The following SIRPG variants were observed in gnomAD, a reference collection of about 807,000 sequenced individuals.
The protein encoded by SIRPG is signal-regulatory protein gamma.
A neutral mutation model predicts 35.7 loss-of-function variants in SIRPG; 38 were observed. The ratio of observed to expected loss-of-function variants is 1.06; its 90% confidence interval spans 0.82 to 1.40. The LOEUF (loss-of-function observed/expected upper bound fraction) is 1.40, where lower values mean the gene tolerates loss of function less well. SIRPG is among the 40% of genes most tolerant of loss of function. SIRPG has a pLI of 0.00. For synonymous variants in SIRPG, 215 were observed against 190.4 expected, an observed-to-expected ratio of 1.13 and a Z score of -1.06; for missense variants, 519 against 483.0, an observed-to-expected ratio of 1.07 and a Z score of -0.70.
At chr20:1,651,629 T>A (rs185108030) in intron 1 of SIRPG, among the ~76,000 whole-genome samples, 145 of 152,216 alleles carry the variant, frequency 9.5e-4, no homozygotes, top group African/African-American at 3.2e-3. Flanking sequence ...GAGGAGGGGA[T>A]TATTCTAAAC....
the SIRPG span, among the ~76,000 whole-genome samples, chr20:1,665,909 A>AT: frequency 2.4e-4 from 37 of 152,034 alleles, 1 homozygote; most frequent in East Asian, 3.9e-3. Context: ...GGATATATAT[A>AT]AAAAAAAGAG....
At chr20:1,662,697 A>G (rs561679108), upstream of SIRPG, among the ~76,000 whole-genome samples, 1 of 152,320 alleles carries the variant, frequency 6.6e-6, no homozygotes, top group South Asian at 2.1e-4. Flanking sequence ...TATTTTTCCC[A>G]TTGAATGTAG....
upstream of SIRPG, among the ~76,000 whole-genome samples, chr20:1,661,313 A>T (rs1344147532): frequency 6.6e-6 from 1 of 152,204 alleles, no homozygotes; most frequent in East Asian, 1.9e-4. Flanking sequence ...TGCTATAGGC[A>T]TGACGTCTGG....
chr20:1,636,228 G>T lies in SIRPG; in HGVS notation c.708C>A (p.Asp236Glu). 6.2e-7 allele frequency: 1 copy of T among 1,614,208 alleles called. No homozygotes were observed. Among genetic ancestry groups the T allele is most frequent in the Non-Finnish European group, 8.5e-7 (1 of 1,180,030 alleles). The change falls in exon 3 of 6, where the codon GAC (aspartate) becomes GAA (glutamate). Residue 236 changes from aspartate to glutamate, a missense_variant. By Grantham distance (45) the Asp-to-Glu change is conservative (BLOSUM62 2). Transcript: ENST00000303415. ...CEVAHVTLQG[D>E]PLRGTANLSE... ...ACAAGTTGGCAGTCCCACGAAGAGG[G>T]TCCCCCTGCAAGGTGACATGGGCCA...
chr20:1,672,117 C>T, the SIRPG span, among the ~76,000 whole-genome samples: 5,115 of 152,246 alleles, frequency 0.034, 126 homozygotes, highest in Middle Eastern at 0.058. Context: ...GCCCAGGAGA[C>T]GGGTGGCCTG....
chr20:1,664,313 T>C, the SIRPG span, among the ~76,000 whole-genome samples: 1 of 152,172 alleles, frequency 6.6e-6, no homozygotes, highest in African/African-American at 2.4e-5. Flanking sequence ...GAAAGAGAAC[T>C]GTTTTTTTCC....
At chr20:1,673,320 C>T in the SIRPG span, among the ~76,000 whole-genome samples, 369 of 152,246 alleles carry the variant, frequency 2.4e-3, 3 homozygotes, top group African/African-American at 8.5e-3. Flanking sequence ...CCCCCTCCAT[C>T]CCTGTGAGGG....
At chr20:1,652,046 C>T (rs2091943219) in intron 1 of SIRPG, among the ~76,000 whole-genome samples, 1 of 152,176 alleles carries the variant, frequency 6.6e-6, no homozygotes, top group African/African-American at 2.4e-5. Context: ...AACAAAAATA[C>T]CTCTTCTCTC....
chr20:1,631,991 C>T (rs1356685155), intron 4 of SIRPG, among the ~76,000 whole-genome samples: 1 of 152,058 alleles, frequency 6.6e-6, no homozygotes, highest in Non-Finnish European at 1.5e-5. Flanking sequence ...GGCTAGAGGG[C>T]AGAAAGAATA....
chr20:1,676,483 G>A, the SIRPG span, among the ~76,000 whole-genome samples: 65 of 152,192 alleles, frequency 4.3e-4, no homozygotes, highest in South Asian at 2.1e-4. Context: ...ATGTCCTGAC[G>A]TGGAATCTCA....
At chr20:1,650,057 TA>T (rs1281227871) in intron 1 of SIRPG, among the ~76,000 whole-genome samples, 2 of 143,270 alleles carry the variant, frequency 1.4e-5, no homozygotes, top group African/African-American at 5.1e-5. Flanking sequence ...TATTTTTATA[TA>T]TTTTATATAT....
chr20:1,640,270 T>C (rs2091841849), intron 2 of SIRPG, among the ~76,000 whole-genome samples: 1 of 152,196 alleles, frequency 6.6e-6, no homozygotes. Context: ...TTTTGTGTCC[T>C]CTCTTATTTC....
upstream of SIRPG, among the ~76,000 whole-genome samples, chr20:1,660,215 T>TG (rs1179008135): frequency 6.6e-6 from 1 of 151,978 alleles, no homozygotes; most frequent in Non-Finnish European, 1.5e-5. Context: ...ACATAATCAG[T>TG]GCTGAAATTT....
chr20:1,678,877 A>ATTATCAGCTGAGTTC, the SIRPG span, among the ~76,000 whole-genome samples: 1 of 152,222 alleles, frequency 6.6e-6, no homozygotes, highest in South Asian at 2.1e-4. Flanking sequence ...TCCTTGTAAG[A>ATTATCAGCTGAGTTC]TTATCAGCTG....
the SIRPG span, among the ~76,000 whole-genome samples, chr20:1,674,375 C>T: frequency 6.6e-6 from 1 of 152,150 alleles, no homozygotes; most frequent in South Asian, 2.1e-4. Context: ...ATTTATGGAA[C>T]ATTTACTGCA....
upstream of SIRPG, among the ~76,000 whole-genome samples, chr20:1,661,378 TC>T (rs2091995351): frequency 6.6e-6 from 1 of 152,200 alleles, no homozygotes; most frequent in African/African-American, 2.4e-5. Context: ...GAAAAGCTGT[TC>T]CAAATCTTGT....
intron 2 of SIRPG, among the ~76,000 whole-genome samples, chr20:1,638,667 T>C (rs1348554583): frequency 6.6e-6 from 1 of 152,186 alleles, no homozygotes; most frequent in Non-Finnish European, 1.5e-5. Flanking sequence ...GTTTGTTTTA[T>C]AGGTTATGTT....
intron 2 of SIRPG, among the ~76,000 whole-genome samples, chr20:1,645,309 G>A (rs73891623): frequency 0.022 from 3,313 of 152,222 alleles, 112 homozygotes; most frequent in African/African-American, 0.075. Flanking sequence ...AGGGGACTGG[G>A]TATGAGAATC....
chr20:1,659,741 G>C (rs145664552), upstream of SIRPG, among the ~76,000 whole-genome samples: 1 of 152,316 alleles, frequency 6.6e-6, no homozygotes, highest in African/African-American at 2.4e-5. Context: ...GTTGTACTAT[G>C]ATACCTCTTG....
Sources: gnomAD v4.1 joint callset for allele counts (sites outside exome capture counted in the v4.1 genomes callset) on GRCh38, gnomAD v4.1.1 for gene constraint, MANE v1.5 for transcripts, NCBI Gene and HGNC (gene_info 2026-07-23, HGNC 2026-07-21) for gene names.